The following PINLYP variants were observed in gnomAD, a reference collection of about 807,000 sequenced individuals.
The protein encoded by PINLYP is phospholipase A2 inhibitor and LY6/PLAUR domain containing.
Under a neutral mutation model 15.8 loss-of-function variants are expected in PINLYP, and 12 were observed. The observed-to-expected ratio is 0.76, with a 90% CI of 0.49 to 1.23. PINLYP has a LOEUF of 1.23. Among genes scored for constraint, PINLYP ranks in the 50% most tolerant of loss-of-function variants. The pLI is 0.00. For synonymous variants in PINLYP, 93 were observed against 97.7 expected, an observed-to-expected ratio of 0.95 and a Z score of 0.28; for missense variants, 278 against 264.2, an observed-to-expected ratio of 1.05 and a Z score of -0.36.
In PINLYP at chr19:43,581,560, C is replaced by T. The variant is rs774892946; in HGVS notation, c.341-3C>T. 154 of 1,534,226 alleles carry T rather than the reference C, an allele frequency of 1.0e-4. No individual in the cohort carries two copies. The highest frequency in any genetic ancestry group is 1.3e-4 in the Non-Finnish European group (148 of 1,145,892). On this transcript the variant is annotated splice_region_variant and splice_polypyrimidine_tract_variant and intron_variant, in intron 4 of 5. Transcript: ENST00000599207. ...TCACCTTACACTTCATCCTCATCCTCAGTTCCCTTGACCAATCTTACTGAG... is the reference window on the plus strand; with the variant it reads ...TCACCTTACACTTCATCCTCATCCTTAGTTCCCTTGACCAATCTTACTGAG...
chr19:43,580,465 T>C, intron 3 of PINLYP: 4 of 928,732 alleles, frequency 4.3e-6, no homozygotes, highest in Non-Finnish European at 5.1e-6. Flanking sequence ...AGGATGCCTG[T>C]TGCTGGGACC....
intron 2 of PINLYP, among the ~76,000 whole-genome samples, chr19:43,577,907 C>CA (rs1237944782): frequency 2.0e-5 from 3 of 151,246 alleles, no homozygotes; most frequent in South Asian, 2.1e-4. Context: ...AACTCCATCT[C>CA]AAAAAAAATA....
In PINLYP at chr19:43,578,840, A is replaced by C. The variant is rs946031749; in HGVS notation, c.187+134A>C. 4 of 669,700 alleles carry C rather than the reference A, an allele frequency of 6.0e-6. No individual in the cohort carries two copies. In the Admixed American group the frequency reaches 8.9e-5, roughly 15 times the overall value. 41.5% of individuals were successfully genotyped at this position (669,700 alleles called of 1,614,324 possible). A position where few individuals can be genotyped will look rare whatever the true frequency, so the allele number is the denominator to read the frequency against. ...GGAAGAAATCAGTGGAGAGCAGGAA[A>C]GAGGGAAAGACCATCATGAGATGGA... On this transcript the variant is annotated intron_variant, in intron 3 of 5. Coordinates refer to ENST00000599207, the Ensembl canonical transcript of PINLYP.
upstream of PINLYP, chr19:43,575,603 C>G (rs1164585689): frequency 1.4e-6 from 1 of 697,368 alleles, no homozygotes; most frequent in African/African-American, 1.9e-5. Context: ...AACCCCGGCG[C>G]GCCGGCGCCG....
At chr19:43,580,451 G>A (rs937884701) in intron 3 of PINLYP, 1 of 835,586 alleles carries the variant, frequency 1.2e-6, no homozygotes, top group Non-Finnish European at 1.4e-6. Context: ...GGATCTGAGA[G>A]AGGAGGATGC....
intron 3 of PINLYP, 64 bp downstream of exon 3, chr19:43,578,770 AC>A: frequency 8.0e-7 from 1 of 1,257,662 alleles, no homozygotes; most frequent in Non-Finnish European, 1.1e-6. Flanking sequence ...GGAAGAGACT[AC>A]CATGCTGAGG....
exon 1 of PINLYP, among the ~76,000 whole-genome samples, chr19:43,576,644 G>T (rs1163799800): frequency 6.6e-6 from 1 of 152,132 alleles, no homozygotes; most frequent in African/African-American, 2.4e-5. Context: ...GCCCTGGGTG[G>T]GGTCGCAGCT....
At chr19:43,581,352 G>C in exon 4 of PINLYP, 1 of 1,536,736 alleles carries the variant, frequency 6.5e-7, no homozygotes, top group Non-Finnish European at 8.7e-7. Flanking sequence ...CTGCAACAGT[G>C]CCTTTTTGTC....
intron 5 of PINLYP, 74 bp from the exon 6 acceptor site, chr19:43,581,794 G>A (rs761430064): frequency 6.5e-7 from 1 of 1,533,490 alleles, no homozygotes; most frequent in Non-Finnish European, 8.7e-7. Context: ...AGAGAAGTGG[G>A]TGAGGATGTG....
chr19:43,580,578 C>G, intron 3 of PINLYP: 1 of 954,500 alleles, frequency 1.0e-6, no homozygotes, highest in Non-Finnish European at 1.2e-6. Context: ...CATAGGCGGC[C>G]TGAAATAGAG....
exon 6 of PINLYP, chr19:43,581,964 T>C (rs796625619): frequency 6.5e-7 from 1 of 1,536,434 alleles, no homozygotes; most frequent in African/African-American, 1.4e-5. Context: ...ACCAATGTCC[T>C]CTTCCTCCAT....
chr19:43,581,290 T>G (rs1258717144), exon 4 of PINLYP: 1 of 1,536,972 alleles, frequency 6.5e-7, no homozygotes, highest in Non-Finnish European at 8.7e-7. Context: ...TCCACCACCA[T>G]GGGCCCCAAG....
chr19:43,579,690 G>C (rs1290246582), intron 3 of PINLYP, among the ~76,000 whole-genome samples: 1 of 149,490 alleles, frequency 6.7e-6, no homozygotes, highest in Non-Finnish European at 1.5e-5. Flanking sequence ...TTTGAGCCCA[G>C]GAGTTTGAGA....
chr19:43,577,145 C>T lies in PINLYP; in HGVS notation c.-47C>T. On this transcript the variant is annotated 5_prime_UTR_variant, in exon 2 of 6. It introduces an in-frame stop codon into an upstream open reading frame of the 5' UTR. Coordinates refer to ENST00000599207, the Ensembl canonical transcript of PINLYP. The stretch of plus-strand genomic sequence containing the variant: ...ATGTGGGTCCAGACCCACCCCTCCT[C>T]AGCTTCCTATAAAAGCTGGGGACCA... The T allele has an allele frequency of 6.5e-7, 1 of 1,536,032 alleles. No homozygotes were observed. Among genetic ancestry groups the T allele is most frequent in the Non-Finnish European group, 8.7e-7 (1 of 1,146,868 alleles).
At chr19:43,582,020 G>A in exon 6 of PINLYP, 1 of 1,535,612 alleles carries the variant, frequency 6.5e-7, no homozygotes. Flanking sequence ...CTGAACAGAG[G>A]AAGATAATGT....
At chr19:43,579,583 G>A (rs1214984380) in intron 3 of PINLYP, among the ~76,000 whole-genome samples, 2 of 151,054 alleles carry the variant, frequency 1.3e-5, no homozygotes, top group Non-Finnish European at 1.5e-5. Context: ...CAGAGACAGG[G>A]AGGGGGAGAT....
In PINLYP at chr19:43,581,732, G is replaced by A. The variant is rs760622795; in HGVS notation, c.481+29G>A. On this transcript the variant is annotated intron_variant, in intron 5 of 5. Transcript: ENST00000599207. ...AGTGGTGCCTGAATCTCTGGAAAAG[G>A]AAACAGAACTAGAGGTCCAAACTTC... 3.9e-6 allele frequency: 6 copies of A among 1,535,962 alleles called. No homozygotes were observed. In the Middle Eastern group the frequency reaches 5.0e-4, roughly 128 times the overall value.
intron 3 of PINLYP, chr19:43,580,757 G>A: frequency 1.1e-6 from 1 of 898,540 alleles, no homozygotes; most frequent in Non-Finnish European, 1.3e-6. Context: ...AAGCACTCCA[G>A]GCCATGCACC....
upstream of PINLYP, chr19:43,575,517 G>T (rs758474125): frequency 1.6e-5 from 25 of 1,569,370 alleles, no homozygotes; most frequent in African/African-American, 2.9e-4. Flanking sequence ...GGTCCGAGGG[G>T]CAGGGAGAGT....
Sources: gnomAD v4.1 joint callset for allele counts (sites outside exome capture counted in the v4.1 genomes callset) on GRCh38, gnomAD v4.1.1 for gene constraint, MANE v1.5 for transcripts, NCBI Gene and HGNC (gene_info 2026-07-23, HGNC 2026-07-21) for gene names.